Variants in PTPRK observed in about 807,000 individuals in gnomAD.
PTPRK encodes the protein protein tyrosine phosphatase receptor type K.
Under a neutral mutation model 178.0 loss-of-function variants are expected in PTPRK, and 75 were observed. The observed-to-expected ratio is 0.42, with a 90% CI of 0.35 to 0.51. The LOEUF (loss-of-function observed/expected upper bound fraction) is 0.51, where lower values mean the gene tolerates loss of function less well. Ranked by LOEUF, PTPRK falls within the 20% of genes least tolerant of loss-of-function variation. The pLI, the probability that PTPRK is intolerant of heterozygous loss-of-function variation, is 0.02. For synonymous variants in PTPRK, 637 were observed against 620.6 expected (o/e 1.03, Z -0.39); for missense variants, 1,441 against 1,797.8 (o/e 0.80, Z 3.59).
chr6:128,089,624 C>A (rs2115023672), intron 8 of PTPRK, 66 bp downstream of exon 8: 3 of 1,427,516 alleles, frequency 2.1e-6, no homozygotes, highest in East Asian at 4.6e-5. Flanking sequence ...TTAGGAAAAT[C>A]TTAAAGTAAT....
At chr6:128,283,093 T>C (rs1034417047) in intron 3 of PTPRK, among the ~76,000 whole-genome samples, 5 of 152,190 alleles carry the variant, frequency 3.3e-5, no homozygotes, top group African/African-American at 1.2e-4. Context: ...CAAAGTGTCC[T>C]GATTTCTCCA....
At chr6:128,258,152 T>C (rs1288091629) in intron 3 of PTPRK, among the ~76,000 whole-genome samples, 1 of 152,182 alleles carries the variant, frequency 6.6e-6, no homozygotes, top group Non-Finnish European at 1.5e-5. Context: ...AACTAAATTT[T>C]ATTCTCTTTA....
intron 7 of PTPRK, among the ~76,000 whole-genome samples, chr6:128,127,315 GA>G (rs1266630091): frequency 1.3e-5 from 2 of 152,088 alleles, no homozygotes; most frequent in Non-Finnish European, 2.9e-5. Flanking sequence ...TTGGTTTATT[GA>G]TTATCTACAA....
intron 6 of PTPRK, 67 bp downstream of exon 6, chr6:128,218,855 T>C: frequency 7.5e-7 from 1 of 1,331,676 alleles, no homozygotes; most frequent in Non-Finnish European, 1.0e-6. Flanking sequence ...AATCAAAATA[T>C]CTACAGAGTT....
At chr6:128,106,097 T>G (rs893376829) in intron 7 of PTPRK, among the ~76,000 whole-genome samples, 4 of 151,980 alleles carry the variant, frequency 2.6e-5, no homozygotes, top group Non-Finnish European at 5.9e-5. Flanking sequence ...ATCTATGAAA[T>G]GAGAAAAACA....
Position 128,374,905 on chromosome 6 carries a change from T to A in PTPRK, c.223+22661A>T, listed in dbSNP as rs1026849189. 3.3e-5 allele frequency among the ~76,000 whole-genome samples: 5 copies of A among 152,044 alleles called. No individual in the cohort carries two copies. The South Asian group carries it at 8.3e-4, about 25-fold the overall frequency. ...TTTTCTTTAAACCAAATTGGTCATC[T>A]TATTCTTCCTCAAATGCCAGGCATG... is the stretch of plus-strand genomic sequence containing the variant. On this transcript the variant is annotated intron_variant, in intron 2 of 29. Coordinates refer to ENST00000368226, the MANE Select transcript of PTPRK (RefSeq NM_002844.4).
intron 11 of PTPRK, among the ~76,000 whole-genome samples, chr6:128,068,290 C>G (rs114593920): frequency 6.6e-6 from 1 of 151,922 alleles, no homozygotes. Context: ...CAGGCTTCTC[C>G]ACCTCTTGAC....
At chr6:128,322,667 A>AATATATAT (rs10651820) in intron 2 of PTPRK, among the ~76,000 whole-genome samples, 3 of 143,720 alleles carry the variant, frequency 2.1e-5, no homozygotes, top group African/African-American at 8.1e-5. Flanking sequence ...CTTTTAATAT[A>AATATATAT]ATATATATAT....
intron 2 of PTPRK, among the ~76,000 whole-genome samples, chr6:128,357,227 C>A (rs931521099): frequency 6.6e-6 from 1 of 152,170 alleles, no homozygotes; most frequent in Non-Finnish European, 1.5e-5. Context: ...AATTTAGCTA[C>A]TATTATGCTT....
chr6:128,244,929 T>C (rs1331831692), intron 3 of PTPRK, among the ~76,000 whole-genome samples: 1 of 152,168 alleles, frequency 6.6e-6, no homozygotes, highest in African/African-American at 2.4e-5. Context: ...TAAGCATCAC[T>C]TGGGGTTAGC....
At chr6:128,047,809 A>G (rs531584317) in intron 13 of PTPRK, among the ~76,000 whole-genome samples, 1 of 152,298 alleles carries the variant, frequency 6.6e-6, no homozygotes, top group South Asian at 2.1e-4. Flanking sequence ...CAAATAACAG[A>G]TTACCTACTA....
chr6:128,096,886 A>G (rs1267219527), intron 7 of PTPRK, among the ~76,000 whole-genome samples: 2 of 152,214 alleles, frequency 1.3e-5, no homozygotes, highest in Non-Finnish European at 2.9e-5. Context: ...AAATAAAAGC[A>G]AAGAAAACAG....
At chr6:128,146,509 T>A (rs931310924) in intron 7 of PTPRK, among the ~76,000 whole-genome samples, 2 of 151,454 alleles carry the variant, frequency 1.3e-5, no homozygotes, top group Non-Finnish European at 2.9e-5. Context: ...TGTGGCATGA[T>A]CTTGGTTCAC....
chr6:128,512,917 A>C (rs1935131), intron 1 of PTPRK, among the ~76,000 whole-genome samples: 24,580 of 152,206 alleles, frequency 0.16, 2,190 homozygotes, highest in African/African-American at 0.19. Flanking sequence ...AGAGACTGCT[A>C]CTAGTAATGT....
rs147666519 is a variant in PTPRK, at chr6:128,384,195, A to T, written c.223+13371T>A. On this transcript the variant is annotated intron_variant, in intron 2 of 29. Transcript: ENST00000368226. Reference sequence around the variant, plus strand: ...CTTCTCATTCAAGACTCACTTTGACAACTGGTTGAAGGGGGACTTCTCATA... The same window carrying T: ...CTTCTCATTCAAGACTCACTTTGACTACTGGTTGAAGGGGGACTTCTCATA... Among the ~76,000 whole-genome samples, 7 of 152,286 alleles carry T rather than the reference A, an allele frequency of 4.6e-5. No homozygotes were observed. The East Asian group carries it at 1.4e-3, about 29-fold the overall frequency.
intron 13 of PTPRK, among the ~76,000 whole-genome samples, chr6:128,019,541 A>G (rs200212182): frequency 3.4e-5 from 1 of 29,760 alleles, no homozygotes; most frequent in Non-Finnish European, 5.3e-5. Flanking sequence ...AAGCAAAAAG[A>G]AAAAAAAAAA....
intron 7 of PTPRK, among the ~76,000 whole-genome samples, chr6:128,124,240 C>T (rs1372135747): frequency 3.3e-5 from 5 of 151,888 alleles, no homozygotes; most frequent in Admixed American, 6.6e-5. Context: ...GACAGGGTTT[C>T]GCCATGTTGA....
At chr6:128,430,290 G>A (rs1211377599) in intron 1 of PTPRK, among the ~76,000 whole-genome samples, 1 of 152,108 alleles carries the variant, frequency 6.6e-6, no homozygotes, top group Non-Finnish European at 1.5e-5. Flanking sequence ...TTCCTCGACT[G>A]TAAATAGAAA....
chr6:128,250,202 T>A (rs955368122), intron 3 of PTPRK, among the ~76,000 whole-genome samples: 1 of 152,210 alleles, frequency 6.6e-6, no homozygotes, highest in Non-Finnish European at 1.5e-5. Context: ...TATGTCTTTA[T>A]CAGCAGCGTG....
Sources: gnomAD v4.1 joint callset for allele counts (sites outside exome capture counted in the v4.1 genomes callset) on GRCh38, gnomAD v4.1.1 for gene constraint, MANE v1.5 for transcripts, NCBI Gene and HGNC (gene_info 2026-07-23, HGNC 2026-07-21) for gene names.